TTC17: variants seen among roughly 807,000 people sequenced by gnomAD.
TTC17 encodes tetratricopeptide repeat domain 17, also known as tetratricopeptide repeat protein 17.
In TTC17, 58 loss-of-function variants were observed where a neutral mutation model predicts 143.8. The observed-to-expected ratio is 0.40, with a 90% CI of 0.33 to 0.50. The LOEUF is 0.50. Among genes scored for constraint, TTC17 ranks in the 20% least tolerant of loss-of-function variants. TTC17 has a pLI of 0.49. For missense variants in TTC17, 1,273 were observed against 1,392.5 expected (o/e 0.91, Z 1.37); for synonymous variants, 501 against 497.8 (o/e 1.01, Z -0.09).
At chr11:43,464,160 A>G (rs1947925476) in intron 21 of TTC17, among the ~76,000 whole-genome samples, 1 of 151,978 alleles carries the variant, frequency 6.6e-6, no homozygotes, top group Non-Finnish European at 1.5e-5. Flanking sequence ...CACGCCTGTA[A>G]TGCCGGGTAC....
chr11:43,449,886 A>G (rs1947623268), intron 19 of TTC17, 196 bp from the exon 20 acceptor site: 1 of 604,802 alleles, frequency 1.7e-6, no homozygotes, highest in Non-Finnish European at 2.8e-6. Flanking sequence ...AGTTGTGGGT[A>G]TTTATCACCA....
intron 15 of TTC17, among the ~76,000 whole-genome samples, chr11:43,409,237 A>G (rs1858289827): frequency 6.6e-6 from 1 of 152,130 alleles, no homozygotes; most frequent in African/African-American, 2.4e-5. Context: ...ATATGCCACA[A>G]CCTATTTTTC....
At chr11:43,387,103 G>A (rs1320997365) in intron 2 of TTC17, among the ~76,000 whole-genome samples, 1 of 152,084 alleles carries the variant, frequency 6.6e-6, no homozygotes, top group Non-Finnish European at 1.5e-5. Flanking sequence ...GTTTTTTAAA[G>A]AAGAAAAGCT....
intron 2 of TTC17, among the ~76,000 whole-genome samples, chr11:43,383,062 AT>A (rs1331892996): frequency 1.3e-5 from 2 of 150,902 alleles, no homozygotes; most frequent in Non-Finnish European, 3.0e-5. Context: ...ATGCCCAGCT[AT>A]TTTTTTTATT....
At chr11:43,483,355 A>G (rs1948323085) in intron 21 of TTC17, among the ~76,000 whole-genome samples, 1 of 152,084 alleles carries the variant, frequency 6.6e-6, no homozygotes, top group Non-Finnish European at 1.5e-5. Flanking sequence ...ACTTTAAAAC[A>G]AAACCAGACA....
Position 43,405,815 on chromosome 11 carries a change from C to T in TTC17, c.1625C>T (p.Ser542Phe). The T allele has an allele frequency of 6.2e-7, 1 of 1,614,020 alleles. No individual in the cohort carries two copies. The highest frequency in any genetic ancestry group is 8.5e-7 in the Non-Finnish European group (1 of 1,179,936). Residue 542 changes from serine to phenylalanine, a missense_variant, in exon 13 of 24, where the codon TCT (serine) becomes TTT (phenylalanine). By Grantham distance (155) the Ser-to-Phe change is radical. This residue lies in a region of TTC17 where 878 missense variants were observed against 899.8 expected (regional missense o/e 0.98). Coordinates refer to ENST00000039989, the MANE Select transcript of TTC17 (RefSeq NM_018259.6). ...RIHELSSDDYSTEEEAQTPDC... is the reference protein window; with the variant it reads ...RIHELSSDDYFTEEEAQTPDC... The stretch of plus-strand genomic sequence containing the variant: ...CACGAACTCAGCAGTGATGATTATT[C>T]TACAGAAGAAGAGGCCCAAACCCCT...
At chr11:43,451,775 G>T (rs565748032) in intron 21 of TTC17, among the ~76,000 whole-genome samples, 1 of 152,246 alleles carries the variant, frequency 6.6e-6, no homozygotes, top group East Asian at 1.9e-4. Flanking sequence ...AAGAGGAGGG[G>T]TTTTTTAATT....
At chr11:43,367,561 C>G (rs1334764565) in intron 1 of TTC17, among the ~76,000 whole-genome samples, 1 of 152,138 alleles carries the variant, frequency 6.6e-6, no homozygotes, top group African/African-American at 2.4e-5. Flanking sequence ...AGAAGGCGCT[C>G]TGATAGTGAA....
intron 1 of TTC17, among the ~76,000 whole-genome samples, chr11:43,372,991 G>A (rs1483209793): frequency 1.3e-5 from 2 of 152,046 alleles, no homozygotes; most frequent in African/African-American, 2.4e-5. Context: ...TATTATTATC[G>A]TATTTTTGTG....
At chr11:43,418,867 T>C (rs1461500854) in intron 16 of TTC17, among the ~76,000 whole-genome samples, 1 of 152,222 alleles carries the variant, frequency 6.6e-6, no homozygotes, top group Non-Finnish European at 1.5e-5. Context: ...TAAAATATTT[T>C]TGAAATACTA....
intron 18 of TTC17, chr11:43,447,749 G>A: frequency 2.7e-6 from 1 of 369,288 alleles, no homozygotes; most frequent in Non-Finnish European, 4.8e-6. Context: ...ATTTCATGTT[G>A]ATCAATCTTA....
At chr11:43,394,757 C>T (rs912007202) in intron 5 of TTC17, among the ~76,000 whole-genome samples, 1 of 152,004 alleles carries the variant, frequency 6.6e-6, no homozygotes, top group Non-Finnish European at 1.5e-5. Flanking sequence ...TATCTGAAGC[C>T]ATGGAACTGG....
chr11:43,419,624 A>G (rs892050581), intron 16 of TTC17, among the ~76,000 whole-genome samples: 4 of 152,206 alleles, frequency 2.6e-5, no homozygotes, highest in African/African-American at 9.6e-5. Flanking sequence ...ACATTCTTTT[A>G]TAAGAATTAG....
At chr11:43,490,172 C>A in intron 21 of TTC17, 67 bp from the exon 22 acceptor site, 2 of 1,548,736 alleles carry the variant, frequency 1.3e-6, no homozygotes, top group African/African-American at 2.7e-5. Flanking sequence ...TGTTACTGAA[C>A]TTAATCTTGG....
rs568932139 is a variant in TTC17 at position 43,477,284 on chromosome 11, C to T, written c.3031-12955C>T. Among the ~76,000 whole-genome samples, 9 of 152,344 alleles carry T rather than the reference C, an allele frequency of 5.9e-5. No homozygotes were observed. The South Asian group carries it at 1.9e-3, about 32-fold the overall frequency. On this transcript the variant is annotated intron_variant, in intron 21 of 23. Transcript: ENST00000039989. ...AGACTTTCCCACATTTTCCTGTCTT[C>T]TTCTGAGCCCTTCAAACTGTTCTAA...
In TTC17 at chr11:43,443,362, G is replaced by C; in HGVS notation, c.2289G>C (p.Met763Ile). ...VVEESNGSDE[M>I]ENSDETKMSE... ...AGGAGAGCAATGGTTCTGATGAGATGGAGAATTCAGATGAAACCAAAATGT... is the reference window on the plus strand; with the variant it reads ...AGGAGAGCAATGGTTCTGATGAGATCGAGAATTCAGATGAAACCAAAATGT... The change falls in exon 17 of 24, where the codon ATG becomes ATC. Residue 763 changes from methionine to isoleucine, a missense_variant. Physicochemically the swap from Met to Ile is conservative, Grantham distance 10. Around this residue, in one of 3 missense-constraint regions of TTC17, gnomAD observed 878 missense variants for 899.8 expected, o/e 0.98. Coordinates refer to ENST00000039989, the MANE Select transcript of TTC17 (RefSeq NM_018259.6). 1 of 1,614,090 alleles carries C rather than the reference G, an allele frequency of 6.2e-7. No individual in the cohort carries two copies. The highest frequency in any genetic ancestry group is 2.2e-5 in the East Asian group (1 of 44,878).
At chr11:43,372,028 C>T (rs2134455261) in intron 1 of TTC17, among the ~76,000 whole-genome samples, 1 of 152,234 alleles carries the variant, frequency 6.6e-6, no homozygotes, top group African/African-American at 2.4e-5. Flanking sequence ...ACTATGATCA[C>T]ACCAGTCCAC....
chr11:43,418,910 A>G (rs1364113028), intron 16 of TTC17, among the ~76,000 whole-genome samples: 2 of 152,178 alleles, frequency 1.3e-5, no homozygotes, highest in South Asian at 4.1e-4. Flanking sequence ...TCTAGCAAAG[A>G]TATTTTCTAC....
At chr11:43,379,935 GT>G (rs199760648) in intron 2 of TTC17, among the ~76,000 whole-genome samples, 95 of 148,708 alleles carry the variant, frequency 6.4e-4, no homozygotes, top group African/African-American at 1.7e-3. Flanking sequence ...GAAAAACTAG[GT>G]TTTTTTTTTC....
Sources: allele counts gnomAD v4.1 joint callset (sites outside exome capture counted in the v4.1 genomes callset), GRCh38; gene constraint gnomAD v4.1.1; regional missense constraint gnomAD v4.1.1; transcripts MANE v1.5; gene names NCBI Gene and HGNC (gene_info 2026-07-23, HGNC 2026-07-21).